Variants in SGCZ observed in about 807,000 individuals in gnomAD.
SGCZ encodes sarcoglycan zeta, also known as zeta-sarcoglycan.
In SGCZ, 40 loss-of-function variants were observed where a neutral mutation model predicts 41.3. The ratio of observed to expected loss-of-function variants is 0.97; its 90% CI spans 0.75 to 1.26. The LOEUF (loss-of-function observed/expected upper bound fraction) is 1.26. SGCZ is among the 50% of genes most tolerant of loss of function. The pLI is 0.00. For missense variants in SGCZ, 552 were observed against 369.8 expected (o/e 1.49, Z -4.04); for synonymous variants, 206 against 137.5 (o/e 1.50, Z -3.49).
intron 2 of SGCZ, among the ~76,000 whole-genome samples, chr8:14,435,209 T>C (rs549386104): frequency 6.6e-6 from 1 of 152,282 alleles, no homozygotes; most frequent in South Asian, 2.1e-4. Context: ...AACGGTTAAA[T>C]TTAATATCTT....
chr8:15,225,709 G>C (rs895955070), intron 1 of SGCZ, among the ~76,000 whole-genome samples: 1 of 152,162 alleles, frequency 6.6e-6, no homozygotes, highest in African/African-American at 2.4e-5. Flanking sequence ...GAAAGTATGG[G>C]ATGTGACTTG....
intron 1 of SGCZ, among the ~76,000 whole-genome samples, chr8:14,638,485 C>G (rs565160724): frequency 1.3e-5 from 2 of 151,906 alleles, no homozygotes; most frequent in East Asian, 3.9e-4. Flanking sequence ...TTTGTTCAAT[C>G]ACTTTCTTAA....
At chr8:14,789,956 G>T (rs1800895425) in intron 1 of SGCZ, among the ~76,000 whole-genome samples, 1 of 151,940 alleles carries the variant, frequency 6.6e-6, no homozygotes, top group Non-Finnish European at 1.5e-5. Context: ...ACGTATGTTT[G>T]GTGTTACATA....
chr8:14,412,627 C>A (rs1358011454), intron 2 of SGCZ, among the ~76,000 whole-genome samples: 1 of 152,044 alleles, frequency 6.6e-6, no homozygotes, highest in Non-Finnish European at 1.5e-5. Context: ...GTAACCTAAC[C>A]TTTTAATCTG....
intron 4 of SGCZ, among the ~76,000 whole-genome samples, chr8:14,182,190 G>A (rs1403565650): frequency 6.6e-6 from 1 of 152,116 alleles, no homozygotes; most frequent in Non-Finnish European, 1.5e-5. Context: ...AAAATCTAGA[G>A]AACAGTATGG....
intron 1 of SGCZ, among the ~76,000 whole-genome samples, chr8:15,195,704 T>A (rs112722902): frequency 6.6e-6 from 1 of 152,160 alleles, no homozygotes; most frequent in African/African-American, 2.4e-5. Flanking sequence ...CCATTTGGTA[T>A]GTTCAAGTAT....
At chr8:14,378,711 G>C (rs1168099622) in intron 2 of SGCZ, among the ~76,000 whole-genome samples, 1 of 152,106 alleles carries the variant, frequency 6.6e-6, no homozygotes, top group Non-Finnish European at 1.5e-5. Context: ...CAGTCTTGGG[G>C]ACTGACTGAG....
chr8:15,198,309 C>A (rs1800794264), intron 1 of SGCZ, among the ~76,000 whole-genome samples: 1 of 151,772 alleles, frequency 6.6e-6, no homozygotes. Flanking sequence ...ACATTGAACT[C>A]AAATTTTATA....
intron 1 of SGCZ, among the ~76,000 whole-genome samples, chr8:14,764,798 A>G (rs1799991612): frequency 2.0e-5 from 3 of 152,228 alleles, no homozygotes; most frequent in African/African-American, 7.2e-5. Flanking sequence ...AGGCAATGCT[A>G]CATATTGTTG....
At chr8:14,742,510 C>A (rs940621849) in intron 1 of SGCZ, among the ~76,000 whole-genome samples, 2 of 151,974 alleles carry the variant, frequency 1.3e-5, no homozygotes, top group South Asian at 2.1e-4. Context: ...AAGTCACATG[C>A]CCTCTTTACA....
intron 3 of SGCZ, among the ~76,000 whole-genome samples, chr8:14,312,665 G>A (rs80263044): frequency 0.072 from 11,003 of 151,888 alleles, 425 homozygotes; most frequent in Middle Eastern, 0.099. Context: ...GGAAGAGGAG[G>A]AGGAAGAGGA....
intron 1 of SGCZ, among the ~76,000 whole-genome samples, chr8:14,710,425 T>C (rs2117622546): frequency 6.7e-6 from 1 of 149,848 alleles, no homozygotes; most frequent in East Asian, 2.0e-4. Context: ...TCAAACTTGA[T>C]CTAACAATTC....
At chr8:14,095,086 T>C (rs1801801936) in intron 7 of SGCZ, among the ~76,000 whole-genome samples, 1 of 152,302 alleles carries the variant, frequency 6.6e-6, no homozygotes, top group East Asian at 1.9e-4. Flanking sequence ...GCCTATTCAC[T>C]CTGATGATAG....
chr8:15,024,064 C>G (rs1293934016), intron 1 of SGCZ, among the ~76,000 whole-genome samples: 1 of 152,142 alleles, frequency 6.6e-6, no homozygotes, highest in Non-Finnish European at 1.5e-5. Context: ...AATCATGTTT[C>G]TTGAGCATTA....
chr8:14,246,271 A>AC (rs1361023658), intron 3 of SGCZ, among the ~76,000 whole-genome samples: 9 of 152,242 alleles, frequency 5.9e-5, no homozygotes. Flanking sequence ...GCAGCCATAA[A>AC]AATGATGAGT....
In SGCZ at chr8:14,345,960, A is replaced by C. The variant is rs187385215; in HGVS notation, c.235-21756T>G. 5.2e-3 allele frequency among the ~76,000 whole-genome samples: 798 copies of C among 152,214 alleles called. 4 individuals carry two copies. The highest frequency in any genetic ancestry group is 8.4e-3 in the Non-Finnish European group (569 of 67,946). On this transcript the variant is annotated intron_variant, in intron 2 of 7. Transcript: ENST00000382080. The stretch of plus-strand genomic sequence containing the variant: ...GGGATGTCTCAGTAGAACAAAGGGA[A>C]TTTTTAGGGCAGAGAAACTATTTCA...
intron 4 of SGCZ, among the ~76,000 whole-genome samples, chr8:14,233,982 T>G (rs79501277): frequency 6.6e-6 from 1 of 151,906 alleles, no homozygotes. Flanking sequence ...GAAGAGAAAT[T>G]TGGAGGAAGA....
Position 14,217,132 on chromosome 8 carries a change from G to C in SGCZ, c.424+20460C>G, listed in dbSNP as rs144829692. Among the ~76,000 whole-genome samples, 4 of 151,560 alleles carry C rather than the reference G, an allele frequency of 2.6e-5. No individual in the cohort carries two copies. The East Asian group carries it at 5.8e-4, about 22-fold the overall frequency. ...TAAACCCTGTCTATACTAAAAATAC[G>C]CACACACACAAAAAGTTAGCCGGCA... On this transcript the variant is annotated intron_variant, in intron 4 of 7. Coordinates refer to ENST00000382080, the MANE Select transcript of SGCZ (RefSeq NM_139167.4).
At chr8:14,648,789 A>G (rs990611532) in intron 1 of SGCZ, among the ~76,000 whole-genome samples, 3 of 152,126 alleles carry the variant, frequency 2.0e-5, no homozygotes, top group Non-Finnish European at 4.4e-5. Flanking sequence ...ACAAAAACCA[A>G]TAATATCTGA....
Sources: gnomAD v4.1 joint callset for allele counts (sites outside exome capture counted in the v4.1 genomes callset) on GRCh38, gnomAD v4.1.1 for gene constraint, MANE v1.5 for transcripts, NCBI Gene and HGNC (gene_info 2026-07-23, HGNC 2026-07-21) for gene names.